MACO1: variants seen among roughly 807,000 people sequenced by gnomAD.
The protein encoded by MACO1 is macoilin.
Under a neutral mutation model 78.7 loss-of-function variants are expected in MACO1, and 14 were observed. That is an observed-to-expected ratio of 0.18 (90% CI 0.12 to 0.28). MACO1 has a LOEUF of 0.28. MACO1 is among the 10% of genes least tolerant of loss of function. The pLI is 1.00. For missense variants in MACO1, 501 were observed against 799.0 expected, an observed-to-expected ratio of 0.63 and a Z score of 4.50; for synonymous variants, 288 against 291.6, an observed-to-expected ratio of 0.99 and a Z score of 0.12.
In MACO1 at chr1:25,458,443, A is replaced by T. The variant is rs148432843; in HGVS notation, c.705A>T (p.Gly235=). The change falls in exon 6 of 11, where the codon GGA becomes GGT. Residue 235 remains glycine, a synonymous_variant. Transcript: ENST00000374343. ...CTTCGATCCTTATACACCACAATGG[A>T]GGTATCCCAGCCAACAAAAAACTCT... ...MDSSILIHHN[G]GIPANKKLST... The T allele has an allele frequency of 1.5e-4, 248 of 1,612,884 alleles. 1 individual carries two copies. The highest frequency in any genetic ancestry group is 1.9e-4 in the Non-Finnish European group (229 of 1,179,690).
intron 1 of MACO1, among the ~76,000 whole-genome samples, chr1:25,440,614 C>T (rs1338847287): frequency 1.3e-5 from 2 of 150,988 alleles, no homozygotes; most frequent in Non-Finnish European, 3.0e-5. Context: ...ACTAAAAATA[C>T]AAAAATTAGC....
chr1:25,496,760 G>A (rs1342907899), intron 10 of MACO1, among the ~76,000 whole-genome samples: 5 of 151,946 alleles, frequency 3.3e-5, no homozygotes, highest in Non-Finnish European at 7.4e-5. Flanking sequence ...CCAGCAGAGA[G>A]ACGATGGACA....
At chr1:25,434,364 A>G (rs1332734698) in intron 1 of MACO1, among the ~76,000 whole-genome samples, 1 of 152,198 alleles carries the variant, frequency 6.6e-6, no homozygotes, top group Non-Finnish European at 1.5e-5. Flanking sequence ...TGAGTGAGTA[A>G]ATTAATAAAT....
At chr1:25,481,104 T>C (rs1416481943) in intron 6 of MACO1, among the ~76,000 whole-genome samples, 1 of 151,728 alleles carries the variant, frequency 6.6e-6, no homozygotes, top group East Asian at 1.9e-4. Context: ...ATAAATATTG[T>C]TATTTTTAGT....
intron 1 of MACO1, among the ~76,000 whole-genome samples, chr1:25,434,910 C>T (rs1367150560): frequency 6.6e-6 from 1 of 151,960 alleles, no homozygotes; most frequent in Non-Finnish European, 1.5e-5. Flanking sequence ...TTTTTAAAAG[C>T]CTTAAGGGGA....
intron 6 of MACO1, among the ~76,000 whole-genome samples, chr1:25,480,929 A>AAAAATAT (rs1553166539): frequency 1.7e-4 from 8 of 47,904 alleles, no homozygotes; most frequent in South Asian, 9.3e-4. Flanking sequence ...AAAAAAAAAA[A>AAAAATAT]ATATATATAT....
At chr1:25,434,670 A>C (rs1449471824) in intron 1 of MACO1, among the ~76,000 whole-genome samples, 3 of 152,202 alleles carry the variant, frequency 2.0e-5, no homozygotes, top group Non-Finnish European at 4.4e-5. Flanking sequence ...AGTTGCCACT[A>C]TATGAGGGAG....
chr1:25,483,388 A>G (rs1042730543), intron 6 of MACO1, among the ~76,000 whole-genome samples: 2 of 152,224 alleles, frequency 1.3e-5, no homozygotes, highest in Non-Finnish European at 2.9e-5. Context: ...CTACATATGC[A>G]TAGTAGGTCT....
chr1:25,458,943 A>G, intron 6 of MACO1, 51 bp downstream of exon 6: 1 of 1,563,536 alleles, frequency 6.4e-7, no homozygotes, highest in South Asian at 1.2e-5. Flanking sequence ...AACTTGACAT[A>G]CTCTTGACAT....
chr1:25,451,347 A>T (rs2043064353), intron 3 of MACO1, among the ~76,000 whole-genome samples: 1 of 152,214 alleles, frequency 6.6e-6, no homozygotes, highest in Non-Finnish European at 1.5e-5. Context: ...AGGGGAAAAA[A>T]ACAGGATATA....
intron 10 of MACO1, among the ~76,000 whole-genome samples, chr1:25,492,361 G>C (rs2043493823): frequency 6.6e-6 from 1 of 152,150 alleles, no homozygotes; most frequent in African/African-American, 2.4e-5. Context: ...GAACGTATGT[G>C]GCAGGGGTCT....
chr1:25,441,020 C>T (rs2042967205), intron 1 of MACO1, among the ~76,000 whole-genome samples: 1 of 152,120 alleles, frequency 6.6e-6, no homozygotes, highest in Admixed American at 6.5e-5. Context: ...TCATGGTAAT[C>T]GTTCAGGCAG....
intron 10 of MACO1, among the ~76,000 whole-genome samples, chr1:25,492,799 G>A (rs2043498663): frequency 6.6e-6 from 1 of 152,114 alleles, no homozygotes. Flanking sequence ...AAAAAATAGA[G>A]TACTCTATAG....
chr1:25,464,926 G>A (rs1482323538), intron 6 of MACO1, among the ~76,000 whole-genome samples: 3 of 151,120 alleles, frequency 2.0e-5, no homozygotes, highest in African/African-American at 4.9e-5. Flanking sequence ...CACCCACCTC[G>A]GCCTCCCAAA....
At chr1:25,470,452 A>G (rs2043257469) in intron 6 of MACO1, among the ~76,000 whole-genome samples, 1 of 152,208 alleles carries the variant, frequency 6.6e-6, no homozygotes, top group South Asian at 2.1e-4. Flanking sequence ...ATTGGGTTGA[A>G]GCAAGACAGA....
Position 25,485,730 on chromosome 1 carries a change from G to C in MACO1, c.1431G>C (p.Glu477Asp), listed in dbSNP as rs756142380. The C allele has an allele frequency of 6.2e-7, 1 of 1,614,066 alleles. No individual in the cohort carries two copies. The change falls in exon 8 of 11, where the codon GAG becomes GAC. Residue 477 changes from glutamate to aspartate, a missense_variant. By Grantham distance (45) the Glu-to-Asp change is conservative (BLOSUM62 2). Coordinates refer to ENST00000374343, the MANE Select transcript of MACO1 (RefSeq NM_018202.6). This position sits in a 1 kb window ranked among gnomAD's most constrained non-coding sequence, Gnocchi z 4.3. The stretch of plus-strand genomic sequence containing the variant: ...TTGTAGAGAAACAGTTAATGGAAGA[G>C]AAAAAGAGGAAGAAGTTAGAAGAAG... ...RSFVEKQLME[E>D]KKRKKLEEAT...
chr1:25,446,933 G>T, intron 2 of MACO1, 30 bp downstream of exon 2: 1 of 1,602,072 alleles, frequency 6.2e-7, no homozygotes, highest in Non-Finnish European at 8.5e-7. Context: ...TTTTCCATGT[G>T]TGGGGACCAT....
chr1:25,455,123 G>GT (rs746340785), intron 4 of MACO1, among the ~76,000 whole-genome samples: 3 of 152,230 alleles, frequency 2.0e-5, no homozygotes, highest in Non-Finnish European at 4.4e-5. Flanking sequence ...ATTCCAGAAG[G>GT]TCTTGATGAA....
At chr1:25,498,181 A>C (rs1426695326) in intron 10 of MACO1, 83 bp from the exon 11 acceptor site, 10 of 1,432,822 alleles carry the variant, frequency 7.0e-6, no homozygotes, top group Non-Finnish European at 9.7e-6. Flanking sequence ...CACTGAACCG[A>C]ATCTACTTAG....
Sources: allele counts gnomAD v4.1 joint callset (sites outside exome capture counted in the v4.1 genomes callset), GRCh38; gene constraint gnomAD v4.1.1; non-coding constraint Gnocchi (gnomAD v3.1); transcripts MANE v1.5; gene names NCBI Gene and HGNC (gene_info 2026-07-23, HGNC 2026-07-21).